Variants in ARPC3 observed in about 807,000 individuals in gnomAD.
ARPC3 encodes actin-related protein 2/3 complex subunit 3.
A neutral mutation model predicts 27.6 loss-of-function variants in ARPC3; 12 were observed. That is an observed-to-expected ratio of 0.43 (90% CI 0.28 to 0.70). The LOEUF (loss-of-function observed/expected upper bound fraction) is 0.70. Ranked by LOEUF, ARPC3 falls within the 30% of genes least tolerant of loss-of-function variation. The pLI is 0.17. For synonymous variants in ARPC3, 53 were observed against 67.2 expected (o/e 0.79, Z 1.03); for missense variants, 153 against 207.7 (o/e 0.74, Z 1.62).
At chr12:110,446,614 T>A (rs2062466046) in intron 1 of ARPC3, among the ~76,000 whole-genome samples, 1 of 144,520 alleles carries the variant, frequency 6.9e-6, no homozygotes, top group African/African-American at 2.6e-5. Flanking sequence ...CTTCCTAATT[T>A]TTTTTTTTTT....
At chr12:110,435,423 G>C (rs1414996061) in intron 6 of ARPC3, among the ~76,000 whole-genome samples, 2 of 151,314 alleles carry the variant, frequency 1.3e-5, no homozygotes, top group African/African-American at 4.9e-5. Context: ...TCCGCCTCCT[G>C]GGTTCATGCC....
At chr12:110,449,755 G>A (rs1038311566) in intron 1 of ARPC3, among the ~76,000 whole-genome samples, 1 of 152,110 alleles carries the variant, frequency 6.6e-6, no homozygotes, top group African/African-American at 2.4e-5. Flanking sequence ...TTGGAAGTCA[G>A]GCGCCGAACG....
At chr12:110,443,767 CTT>C (rs1386964901) in intron 2 of ARPC3, among the ~76,000 whole-genome samples, 1 of 152,146 alleles carries the variant, frequency 6.6e-6, no homozygotes, top group Non-Finnish European at 1.5e-5. Context: ...AGAAAACTGT[CTT>C]GGAGGACTCA....
intron 2 of ARPC3, among the ~76,000 whole-genome samples, chr12:110,441,277 C>A (rs2062436077): frequency 6.6e-6 from 1 of 151,922 alleles, no homozygotes; most frequent in African/African-American, 2.4e-5. Context: ...GGATTATACG[C>A]ATGTACCACC....
intron 2 of ARPC3, among the ~76,000 whole-genome samples, chr12:110,441,429 A>G (rs1029979091): frequency 6.6e-6 from 1 of 151,988 alleles, no homozygotes; most frequent in African/African-American, 2.4e-5. Context: ...CCACCCCCGG[A>G]TTTTCAGAAA....
chr12:110,449,368 C>T (rs2062486198), intron 1 of ARPC3, among the ~76,000 whole-genome samples: 1 of 151,686 alleles, frequency 6.6e-6, no homozygotes, highest in African/African-American at 2.4e-5. Context: ...TCCAGACCAG[C>T]CTGGCCAACA....
intron 1 of ARPC3, 80 bp from the exon 2 acceptor site, chr12:110,445,631 A>G: frequency 9.3e-7 from 1 of 1,077,566 alleles, no homozygotes; most frequent in Non-Finnish European, 1.4e-6. Flanking sequence ...CCCTTAAAGG[A>G]AAAAAAGAGT....
At position 110,437,121 on chromosome 12, in the gene ARPC3, G is replaced by A. The variant is rs1290766992; in HGVS notation, c.215C>T (p.Thr72Ile). 6.2e-7 allele frequency: 1 copy of A among 1,602,500 alleles called. No homozygotes were observed. The highest frequency in any genetic ancestry group is 2.2e-5 in the East Asian group (1 of 44,820). The change falls in exon 4 of 7, where the codon ACT becomes ATT. Residue 72 changes from threonine to isoleucine, a missense_variant. Thr to Ile is a moderately conservative substitution (Grantham distance 89). Transcript: ENST00000228825. ...NEADRTLIYI[T>I]LYISECLKKL... ...CTTCAGACATTCAGAAATGTAGAGA[G>A]TTATATATATCAAGGTCCTATCAGC...
intron 1 of ARPC3, among the ~76,000 whole-genome samples, chr12:110,447,790 A>C (rs181834552): frequency 4.9e-4 from 74 of 150,896 alleles, no homozygotes; most frequent in Non-Finnish European, 9.0e-4. Context: ...ACAAACAAAC[A>C]AACCCCTCCC....
chr12:110,448,173 C>T (rs2062476597), intron 1 of ARPC3, among the ~76,000 whole-genome samples: 1 of 152,068 alleles, frequency 6.6e-6, no homozygotes, highest in Non-Finnish European at 1.5e-5. Flanking sequence ...AGCCACTGCA[C>T]CCAGCCTAGA....
chr12:110,447,815 C>CA (rs2135505796), intron 1 of ARPC3, among the ~76,000 whole-genome samples: 1 of 150,830 alleles, frequency 6.6e-6, no homozygotes, highest in African/African-American at 2.4e-5. Flanking sequence ...AAAAAACAAA[C>CA]AAACAAAACC....
At chr12:110,437,966 G>A (rs545794909) in intron 3 of ARPC3, among the ~76,000 whole-genome samples, 8 of 152,252 alleles carry the variant, frequency 5.3e-5, no homozygotes, top group Admixed American at 4.6e-4. Context: ...ACAAATGAAT[G>A]TTGATCAAAT....
intron 4 of ARPC3, 78 bp downstream of exon 4, chr12:110,437,006 C>T (rs2062410021): frequency 3.9e-6 from 4 of 1,033,042 alleles, no homozygotes; most frequent in South Asian, 1.3e-5. Flanking sequence ...AAAGTCTCAA[C>T]AAATCCCAGA....
At chr12:110,435,636 C>G (rs527582793) in intron 6 of ARPC3, among the ~76,000 whole-genome samples, 4 of 146,320 alleles carry the variant, frequency 2.7e-5, no homozygotes, top group Non-Finnish European at 6.0e-5. Flanking sequence ...GGCCATAAAC[C>G]CTTTTTAGAC....
At chr12:110,444,146 T>A (rs966140801) in intron 2 of ARPC3, among the ~76,000 whole-genome samples, 4 of 152,100 alleles carry the variant, frequency 2.6e-5, no homozygotes, top group African/African-American at 9.7e-5. Flanking sequence ...ATTGTTTGTA[T>A]TTTTAGTTGA....
In ARPC3 at chr12:110,445,515, G is replaced by A. The variant is rs2062459632; in HGVS notation, c.43C>T (p.Leu15Phe). 4 of 1,613,796 alleles carry A rather than the reference G, an allele frequency of 2.5e-6. No individual in the cohort carries two copies. Among genetic ancestry groups the A allele is most frequent in the Admixed American group, 1.7e-5 (1 of 60,008 alleles). Residue 15 changes from leucine to phenylalanine, a missense_variant, in exon 2 of 7, where the codon CTC (leucine) becomes TTC (phenylalanine). Transcript: ENST00000228825. Reference protein sequence around the residue: ...HSSLMDPDTKLIGNMALLPIR... With the variant: ...HSSLMDPDTKFIGNMALLPIR... ...GGCAACAGTGCCATGTTTCCGATGA[G>A]TTTGGTATCAGGATCCATGAGAGAA...
intron 3 of ARPC3, 41 bp from the exon 4 acceptor site, chr12:110,437,193 C>T (rs370860191): frequency 3.4e-5 from 45 of 1,339,796 alleles, no homozygotes; most frequent in Admixed American, 1.0e-4. Context: ...GTTATCAAAA[C>T]ATAACAATGA....
Position 110,445,512 on chromosome 12 carries a change from T to A in ARPC3, c.46A>T (p.Ile16Phe). Residue 16 changes from isoleucine (I) to phenylalanine (F), a missense_variant, in exon 2 of 7, where the codon ATC becomes TTC. Ile to Phe is a conservative substitution (Grantham distance 21, BLOSUM62 0). Transcript: ENST00000228825. ...SSLMDPDTKL[I>F]GNMALLPIRS... ...ATAGGCAACAGTGCCATGTTTCCGA[T>A]GAGTTTGGTATCAGGATCCATGAGA... 6.2e-7 allele frequency: 1 copy of A among 1,613,852 alleles called. No individual in the cohort carries two copies. Among genetic ancestry groups the A allele is most frequent in the African/African-American group, 1.3e-5 (1 of 75,038 alleles).
intron 2 of ARPC3, among the ~76,000 whole-genome samples, chr12:110,440,789 G>A (rs146811794): frequency 0.022 from 3,362 of 150,298 alleles, 120 homozygotes; most frequent in African/African-American, 0.077. Context: ...CGCGTGATCC[G>A]CCCATCTCGG....
Sources: gnomAD v4.1 joint callset for allele counts (sites outside exome capture counted in the v4.1 genomes callset) on GRCh38, gnomAD v4.1.1 for gene constraint, MANE v1.5 for transcripts, NCBI Gene and HGNC (gene_info 2026-07-23, HGNC 2026-07-21) for gene names.